The following IL34 variants were observed in gnomAD, a reference collection of about 807,000 sequenced individuals.
IL34 encodes interleukin-34.
A neutral mutation model predicts 25.3 loss-of-function variants in IL34; 17 were observed. The ratio of observed to expected loss-of-function variants is 0.67; its 90% CI spans 0.46 to 1.01. The LOEUF (loss-of-function observed/expected upper bound fraction) is 1.01, where lower values mean the gene tolerates loss of function less well. IL34 is among the 50% of genes least tolerant of loss of function. The pLI is 0.00. For missense variants in IL34, 368 were observed against 312.9 expected, an observed-to-expected ratio of 1.18 and a Z score of -1.33; for synonymous variants, 174 against 140.9, an observed-to-expected ratio of 1.23 and a Z score of -1.66.
At position 70,599,537 on chromosome 16, in the gene IL34, T is replaced by TC. The variant is rs1167913652; in HGVS notation, c.-401+19488_-401+19489insC. 2.6e-5 allele frequency among the ~76,000 whole-genome samples: 4 copies of TC among 151,650 alleles called. No homozygotes were observed. The East Asian group carries it at 7.7e-4, about 29-fold the overall frequency. ...ACGCCCAGTTAATTTTTGTATTTTT[T>TC]TTTTTTTTTTAGTAGAGACGGGGTT... On this transcript the variant is annotated intron_variant, in intron 1 of 6. Transcript: ENST00000429149.
intron 4 of IL34, among the ~76,000 whole-genome samples, chr16:70,658,476 C>G (rs2052291972): frequency 6.6e-6 from 1 of 150,998 alleles, no homozygotes; most frequent in Admixed American, 6.6e-5. Flanking sequence ...TGCCTGGCCT[C>G]TGTGGTGGCT....
Position 70,659,727 on chromosome 16 carries a change from T to A in IL34, c.512T>A (p.Val171Asp), listed in dbSNP as rs2052337403. 6.2e-7 allele frequency: 1 copy of A among 1,606,556 alleles called. No homozygotes were observed. Residue 171 changes from valine (V) to aspartate (D), a missense_variant, in exon 5 of 6, where the codon GTC becomes GAC. Physicochemically the swap from Val to Asp is radical, Grantham distance 152 (BLOSUM62 -3). Coordinates refer to ENST00000288098, the MANE Select transcript of IL34 (RefSeq NM_001393494.1). ...PKALLDNCFR[V>D]MELLYCSCCK... The stretch of plus-strand genomic sequence containing the variant: ...GCCCTGCTGGACAACTGCTTCCGGG[T>A]CATGGAGCTGCTGTACTGCTCCTGC...
intron 2 of IL34, among the ~76,000 whole-genome samples, chr16:70,656,308 C>T (rs1194556710): frequency 6.6e-6 from 1 of 152,068 alleles, no homozygotes; most frequent in Non-Finnish European, 1.5e-5. Context: ...GGGCTTGAGC[C>T]CGGGATTCAA....
chr16:70,622,544 C>A (rs1273264074), intron 1 of IL34, among the ~76,000 whole-genome samples: 1 of 151,784 alleles, frequency 6.6e-6, no homozygotes, highest in African/African-American at 2.4e-5. Context: ...GGTGGAACTG[C>A]CATCAATAAA....
chr16:70,660,192 C>T lies in IL34; in HGVS notation c.*5C>T. 1 of 1,562,242 alleles carries T rather than the reference C, an allele frequency of 6.4e-7. No homozygotes were observed. The highest frequency in any genetic ancestry group is 8.6e-7 in the Non-Finnish European group (1 of 1,156,216). ...GGCGAGGGCCTCTTGCCCTGAGCAC[C>T]CTGGATGGTGACTGCGGATAGGGGC... On this transcript the variant is annotated 3_prime_UTR_variant, in exon 6 of 6. Coordinates refer to ENST00000288098, the MANE Select transcript of IL34 (RefSeq NM_001393494.1).
At chr16:70,647,081 C>T (rs188939094) in intron 1 of IL34, 106 bp downstream of exon 1, 33 of 1,013,044 alleles carry the variant, frequency 3.3e-5, no homozygotes, top group Admixed American at 8.4e-5. Context: ...TGAGAAGTTG[C>T]GATGCTTCCC....
chr16:70,591,323 C>T (rs1486263426), intron 1 of IL34, among the ~76,000 whole-genome samples: 4 of 152,146 alleles, frequency 2.6e-5, no homozygotes, highest in African/African-American at 9.7e-5. Context: ...CCAGTGCCCT[C>T]CTTTGTCCCC....
chr16:70,629,469 C>A (rs974667819), intron 1 of IL34, among the ~76,000 whole-genome samples: 1 of 152,128 alleles, frequency 6.6e-6, no homozygotes, highest in Admixed American at 6.5e-5. Flanking sequence ...CCCAAAGATA[C>A]CAAAATCCAT....
intron 1 of IL34, among the ~76,000 whole-genome samples, chr16:70,599,977 A>C (rs1441131805): frequency 1.3e-5 from 2 of 151,732 alleles, no homozygotes; most frequent in Non-Finnish European, 2.9e-5. Context: ...ATGGCACCTG[A>C]CCCTGCTTGG....
At position 70,659,797 on chromosome 16, in the gene IL34, G is replaced by A. The variant is rs777311909; in HGVS notation, c.538+44G>A. 16 of 1,570,208 alleles carry A rather than the reference G, an allele frequency of 1.0e-5. 1 individual carries two copies. The highest frequency in any genetic ancestry group is 2.3e-5 in the South Asian group (2 of 87,242). On this transcript the variant is annotated intron_variant, in intron 5 of 5. Transcript: ENST00000288098. ...ATGGCGCCTGGGGGTGGGAGGCCAGGCATCTGGGCCCACCCAGGCCAGCTG... is the reference window on the plus strand; with the variant it reads ...ATGGCGCCTGGGGGTGGGAGGCCAGACATCTGGGCCCACCCAGGCCAGCTG...
intron 1 of IL34, among the ~76,000 whole-genome samples, chr16:70,587,903 G>A (rs1353137717): frequency 6.6e-6 from 1 of 152,108 alleles, no homozygotes; most frequent in Non-Finnish European, 1.5e-5. Flanking sequence ...GCGGGCTGTG[G>A]TGGCACACGC....
chr16:70,645,489 C>A (rs1045949386), upstream of IL34, among the ~76,000 whole-genome samples: 3 of 152,168 alleles, frequency 2.0e-5, no homozygotes, highest in Non-Finnish European at 4.4e-5. Context: ...AGACGGAATT[C>A]CAGCCTGATC....
intron 4 of IL34, among the ~76,000 whole-genome samples, chr16:70,658,942 G>T (rs887229050): frequency 6.6e-6 from 1 of 152,164 alleles, no homozygotes; most frequent in Non-Finnish European, 1.5e-5. Context: ...TCACATTCAC[G>T]GGTACCAAGG....
chr16:70,588,908 G>T (rs1202352124), intron 1 of IL34, among the ~76,000 whole-genome samples: 2 of 152,120 alleles, frequency 1.3e-5, no homozygotes, highest in African/African-American at 4.8e-5. Flanking sequence ...CTGGGGGTGG[G>T]GAAGGAGGAA....
chr16:70,609,735 C>A (rs763472245), intron 1 of IL34, among the ~76,000 whole-genome samples: 6 of 152,104 alleles, frequency 3.9e-5, no homozygotes, highest in Non-Finnish European at 7.3e-5. Flanking sequence ...TTTGCAGAGG[C>A]CTGTTCCTGA....
chr16:70,635,572 C>T (rs573338066), intron 1 of IL34, among the ~76,000 whole-genome samples: 9 of 152,250 alleles, frequency 5.9e-5, no homozygotes, highest in East Asian at 1.9e-4. Context: ...AGCAGAACAT[C>T]GGCAGCTTCC....
chr16:70,639,899 A>G (rs575733126), intron 1 of IL34, among the ~76,000 whole-genome samples: 42 of 152,096 alleles, frequency 2.8e-4, no homozygotes, highest in African/African-American at 9.2e-4. Context: ...TAGAGGCTTC[A>G]GTGACCTGTG....
At chr16:70,631,809 T>G (rs1037941484) in intron 1 of IL34, among the ~76,000 whole-genome samples, 1 of 152,136 alleles carries the variant, frequency 6.6e-6, no homozygotes, top group Admixed American at 6.5e-5. Context: ...GTGTGTAACC[T>G]CAGACAAGTT....
chr16:70,611,668 A>G (rs1194781622), intron 1 of IL34, among the ~76,000 whole-genome samples: 2 of 151,822 alleles, frequency 1.3e-5, no homozygotes, highest in African/African-American at 2.4e-5. Context: ...ACATGGTGAA[A>G]CCCCGTTTCT....
Sources: gnomAD v4.1 joint callset for allele counts (sites outside exome capture counted in the v4.1 genomes callset) on GRCh38, gnomAD v4.1.1 for gene constraint, MANE v1.5 for transcripts, NCBI Gene and HGNC (gene_info 2026-07-23, HGNC 2026-07-21) for gene names.